AHCTF1: variants seen among roughly 807,000 people sequenced by gnomAD.
AHCTF1 encodes the protein AT-hook containing transcription factor 1.
In AHCTF1, 24 loss-of-function variants were observed where a neutral mutation model predicts 248.4. That is an observed-to-expected ratio of 0.10 (90% CI 0.07 to 0.14). The LOEUF is 0.14. Among genes scored for constraint, AHCTF1 ranks in the 10% least tolerant of loss-of-function variants. The pLI is 1.00. For missense variants in AHCTF1, 2,206 were observed against 2,636.2 expected (o/e 0.84, Z 3.57); for synonymous variants, 786 against 929.8 (o/e 0.85, Z 2.81).
rs74163703 is a variant in AHCTF1, at chr1:246,898,621, A to AACACACACAC, written c.1495-295_1495-286dup. 5.0e-3 allele frequency among the ~76,000 whole-genome samples: 741 copies of AACACACACAC among 147,064 alleles called. 4 individuals carry two copies. Among genetic ancestry groups the AACACACACAC allele is most frequent in the African/African-American group, 0.017 (697 of 39,904 alleles). The stretch of plus-strand genomic sequence containing the variant: ...GACAGATTTGGTGACATCTTGACAA[A>AACACACACAC]ACACACACACACACACACACACACA... On this transcript the variant is annotated intron_variant, in intron 11 of 35. Coordinates refer to ENST00000648844, the MANE Select transcript of AHCTF1 (RefSeq NM_001323342.2).
chr1:246,906,892 T>C (rs1422089093), intron 5 of AHCTF1, among the ~76,000 whole-genome samples: 1 of 152,218 alleles, frequency 6.6e-6, no homozygotes, highest in African/African-American at 2.4e-5. Flanking sequence ...GAGAATTCTT[T>C]ATTAAGCTGT....
intron 1 of AHCTF1, among the ~76,000 whole-genome samples, chr1:246,920,854 G>A (rs1037511404): frequency 2.6e-5 from 4 of 152,108 alleles, no homozygotes; most frequent in African/African-American, 9.7e-5. Flanking sequence ...GGGAGGCCAA[G>A]GCAGGTGGAT....
chr1:246,855,411 G>A (rs1661043154), intron 31 of AHCTF1, among the ~76,000 whole-genome samples: 1 of 152,116 alleles, frequency 6.6e-6, no homozygotes, highest in African/African-American at 2.4e-5. Flanking sequence ...GTCAACCTTG[G>A]CCTTAAGTTA....
intron 26 of AHCTF1, among the ~76,000 whole-genome samples, chr1:246,865,733 T>C (rs1661925097): frequency 6.7e-6 from 1 of 149,514 alleles, no homozygotes; most frequent in African/African-American, 2.5e-5. Flanking sequence ...AACTTCTGTA[T>C]CATCAAGACT....
Position 246,839,966 on chromosome 1 carries a change from T to C in AHCTF1, c.*840A>G, listed in dbSNP as rs567451599. On this transcript the variant is annotated 3_prime_UTR_variant, in exon 36 of 36. Coordinates refer to ENST00000648844, the MANE Select transcript of AHCTF1 (RefSeq NM_001323342.2). ...CCTGAATATTAAGGGATTTCTGTGGTTCAATAGCAAGCTCCTTCACAGCAA... is the reference window on the plus strand; with the variant it reads ...CCTGAATATTAAGGGATTTCTGTGGCTCAATAGCAAGCTCCTTCACAGCAA... 6.5e-6 allele frequency: 1 copy of C among 152,694 alleles called. No homozygotes were observed. Among genetic ancestry groups the C allele is most frequent in the African/African-American group, 2.4e-5 (1 of 41,580 alleles). The allele number at this position is 152,694 out of a possible 1,614,324, so 9.5% of individuals were successfully genotyped here. A position where few individuals can be genotyped will look rare whatever the true frequency, so the allele number is the denominator to read the frequency against.
At chr1:246,880,876 A>C (rs78518852) in intron 21 of AHCTF1, among the ~76,000 whole-genome samples, 1 of 152,182 alleles carries the variant, frequency 6.6e-6, no homozygotes, top group Non-Finnish European at 1.5e-5. Flanking sequence ...AGGAAGAACA[A>C]TAAGAAAATT....
chr1:246,867,144 A>T, intron 26 of AHCTF1, 100 bp downstream of exon 26: 1 of 634,048 alleles, frequency 1.6e-6, no homozygotes, highest in Non-Finnish European at 2.5e-6. Context: ...ATATTCATTT[A>T]ATAATTTAAA....
chr1:246,898,781 T>C (rs991992401), intron 11 of AHCTF1, among the ~76,000 whole-genome samples: 1 of 152,222 alleles, frequency 6.6e-6, no homozygotes, highest in Admixed American at 6.5e-5. Context: ...TGCCACATCA[T>C]ACTTCCCTAG....
rs767415699 is a variant in AHCTF1, at chr1:246,887,202, T to C, written c.2472+9A>G. On this transcript the variant is annotated intron_variant, in intron 20 of 35. Transcript: ENST00000648844. ...CATGAAAGTTTATGCTGTAAGTGAATAGACTTACCTCATAGTCATTATGAT... is the reference window on the plus strand; with the variant it reads ...CATGAAAGTTTATGCTGTAAGTGAACAGACTTACCTCATAGTCATTATGAT... 11 of 1,593,370 alleles carry C rather than the reference T, an allele frequency of 6.9e-6. No homozygotes were observed. Among genetic ancestry groups the C allele is most frequent in the South Asian group, 2.3e-5 (2 of 86,268 alleles).
chr1:246,867,012 C>G (rs950091078), intron 26 of AHCTF1, among the ~76,000 whole-genome samples: 2 of 152,134 alleles, frequency 1.3e-5, no homozygotes, highest in Non-Finnish European at 2.9e-5. Flanking sequence ...ATGAGACAAA[C>G]TTCACTCCTG....
chr1:246,927,039 G>A (rs1666976145), intron 1 of AHCTF1, among the ~76,000 whole-genome samples: 1 of 151,562 alleles, frequency 6.6e-6, no homozygotes, highest in Non-Finnish European at 1.5e-5. Flanking sequence ...TTAGCAGGGC[G>A]TGGTGACGGG....
chr1:246,905,297 A>C (rs1393618099), intron 6 of AHCTF1, among the ~76,000 whole-genome samples: 1 of 152,154 alleles, frequency 6.6e-6, no homozygotes, highest in East Asian at 1.9e-4. Context: ...CAGGAGTTCA[A>C]GACCAGCCTG....
chr1:246,879,141 C>T (rs573106940), intron 21 of AHCTF1, among the ~76,000 whole-genome samples: 2 of 152,076 alleles, frequency 1.3e-5, no homozygotes, highest in African/African-American at 4.8e-5. Flanking sequence ...CCCAACAACA[C>T]AGGAAAAAAA....
intron 33 of AHCTF1, among the ~76,000 whole-genome samples, chr1:246,846,258 A>G (rs1660250131): frequency 6.6e-6 from 1 of 151,844 alleles, no homozygotes. Flanking sequence ...ATCATATAGT[A>G]TACCTATACC....
In AHCTF1 at chr1:246,900,270, C is replaced by T. The variant is rs373392871; in HGVS notation, c.1251-24G>A. 3.4e-5 allele frequency: 54 copies of T among 1,585,636 alleles called. No homozygotes were observed. The African/African-American group carries it at 5.1e-4, about 15-fold the overall frequency. On this transcript the variant is annotated intron_variant, in intron 9 of 35. Transcript: ENST00000648844. ...ACCTAAAAGAAAATTTAAAACATTA[C>T]TAAGTCATTGGTCAGCTACACATAC...
At chr1:246,922,792 A>G (rs192578090) in intron 1 of AHCTF1, among the ~76,000 whole-genome samples, 1 of 150,686 alleles carries the variant, frequency 6.6e-6, no homozygotes, top group Non-Finnish European at 1.5e-5. Context: ...ACCATCCTGG[A>G]TAACACGGTG....
At chr1:246,870,824 G>T (rs1398272880) in intron 24 of AHCTF1, among the ~76,000 whole-genome samples, 1 of 151,434 alleles carries the variant, frequency 6.6e-6, no homozygotes, top group Non-Finnish European at 1.5e-5. Context: ...CTCCTCCTCA[G>T]AACCAAAAAT....
Position 246,857,831 on chromosome 1 carries a change from T to G in AHCTF1, c.4133-17A>C. 1.9e-6 allele frequency: 3 copies of G among 1,587,954 alleles called. No individual in the cohort carries two copies. The highest frequency in any genetic ancestry group is 2.6e-6 in the Non-Finnish European group (3 of 1,161,726). ...CTAAATTGCCTATAAGTCATACAAA[T>G]AAGAATATTATTTATGCTAAATATT... On this transcript the variant is annotated splice_polypyrimidine_tract_variant and intron_variant, in intron 29 of 35. Coordinates refer to ENST00000648844, the MANE Select transcript of AHCTF1 (RefSeq NM_001323342.2).
At position 246,894,768 on chromosome 1, in the gene AHCTF1, G is replaced by A; in HGVS notation, c.1715-20C>T. On this transcript the variant is annotated intron_variant, in intron 13 of 35. Transcript: ENST00000648844. ...GTTGTTCTTATTTGTAAATACAAAA[G>A]GGAAAAAATAAAGATTATTAATTAC... 2 of 1,594,062 alleles carry A rather than the reference G, an allele frequency of 1.3e-6. No homozygotes were observed. Among genetic ancestry groups the A allele is most frequent in the East Asian group, 2.2e-5 (1 of 44,724 alleles).
Sources: gnomAD v4.1 joint callset for allele counts (sites outside exome capture counted in the v4.1 genomes callset) on GRCh38, gnomAD v4.1.1 for gene constraint, MANE v1.5 for transcripts, NCBI Gene and HGNC (gene_info 2026-07-23, HGNC 2026-07-21) for gene names.